The following PROB1 variants were observed in gnomAD, a reference collection of about 807,000 sequenced individuals.
The protein encoded by PROB1 is proline-rich basic protein 1.
For synonymous variants in PROB1, 660 were observed against 699.3 expected, an observed-to-expected ratio of 0.94 and a Z score of 0.89; for missense variants, 1,453 against 1,485.7, an observed-to-expected ratio of 0.98 and a Z score of 0.36.
At position 139,394,194 on chromosome 5, in the gene PROB1, CTT is replaced by C. The variant is rs1758650632; in HGVS notation, c.886_887del (p.Lys296ValfsTer9). ...RSTHVVLEKA[K>X]SRPLRVRDNS... ...TATCTCGTACGCGAAGTGGCCGAGA[CTT>C]AGCCTTCTCCAGGACCACGTGGGTG... On this transcript the variant is annotated frameshift_variant, in exon 1 of 1. Transcript: ENST00000434752. LOFTEE classifies it low-confidence loss of function (END_TRUNC). 1.3e-6 allele frequency: 2 copies of C among 1,548,248 alleles called. No individual in the cohort carries two copies. Among genetic ancestry groups the C allele is most frequent in the Admixed American group, 2.0e-5 (1 of 50,800 alleles).
At position 139,393,551 on chromosome 5, in the gene PROB1, T is replaced by A. The variant is rs1435975399; in HGVS notation, c.1531A>T (p.Ile511Phe). Residue 511 changes from isoleucine to phenylalanine, a missense_variant, in exon 1 of 1, where the codon ATT becomes TTT. Transcript: ENST00000434752. ...TGGGGAGATGGGCCCCAAGTTCCAA[T>A]AGGACGATCTGGAGCCTCCCACGGG... ...FFPWEAPDRP[I>F]GTWGPSPQET... is the part of the protein sequence containing the mutation. 2.6e-6 allele frequency: 4 copies of A among 1,551,154 alleles called. No homozygotes were observed. In the Admixed American group the frequency reaches 5.9e-5, roughly 23 times the overall value.
Position 139,391,550 on chromosome 5 carries a change from C to T in PROB1, c.*484G>A, listed in dbSNP as rs576979638. 4.4e-4 allele frequency: 68 copies of T among 155,254 alleles called. No homozygotes were observed. The highest frequency in any genetic ancestry group is 8.3e-4 in the Non-Finnish European group (58 of 70,240). 9.6% of individuals were successfully genotyped at this position (155,254 alleles called of 1,614,324 possible). ...TAAGAGCAGACTCGACAGCCAGAGT[C>T]CTTCCTGCCACCTCACCAGGGGCAC... On this transcript the variant is annotated 3_prime_UTR_variant, in exon 1 of 1. Transcript: ENST00000434752. The surrounding 1 kb of genome is among the most constrained non-coding windows in gnomAD (Gnocchi z 4.8).
chr5:139,393,428 A>G lies in PROB1; in HGVS notation c.1654T>C (p.Ser552Pro). Residue 552 changes from serine to proline, a missense_variant, in exon 1 of 1, where the codon TCC (serine) becomes CCC (proline). By Grantham distance (74) the Ser-to-Pro change is moderately conservative. Coordinates refer to ENST00000434752, the MANE Select transcript of PROB1 (RefSeq NM_001161546.2). ...TQEELAPPTP[S>P]APGTPEPTEM... is the part of the protein sequence containing the mutation. ...GTTGGTTCTGGAGTGCCGGGTGCGG[A>G]CGGTGTAGGCGGTGCCAACTCCTCC... 1 of 1,551,646 alleles carries G rather than the reference A, an allele frequency of 6.4e-7. No homozygotes were observed. The highest frequency in any genetic ancestry group is 8.7e-7 in the Non-Finnish European group (1 of 1,146,988).
Position 139,393,603 on chromosome 5 carries a change from A to G in PROB1, c.1479T>C (p.Arg493=). ...AGAAGGCCGGCGGGGACGGGCTGCTACGTGGCTCCACCGCATCCGCGACTG... is the reference window on the plus strand; with the variant it reads ...AGAAGGCCGGCGGGGACGGGCTGCTGCGTGGCTCCACCGCATCCGCGACTG... ...HSAVADAVEP[R]SSPSPPAFFP... Residue 493 remains arginine, a synonymous_variant, in exon 1 of 1, where the codon CGT becomes CGC. Transcript: ENST00000434752. 3 of 1,546,638 alleles carry G rather than the reference A, an allele frequency of 1.9e-6. No homozygotes were observed. Among genetic ancestry groups the G allele is most frequent in the Non-Finnish European group, 2.6e-6 (3 of 1,145,674 alleles).
At position 139,392,538 on chromosome 5, in the gene PROB1, TG is replaced by T; in HGVS notation, c.2543del (p.Pro848GlnfsTer136). On this transcript the variant is annotated frameshift_variant, in exon 1 of 1. Transcript: ENST00000434752. LOFTEE classifies it low-confidence loss of function (END_TRUNC). This position sits in a 1 kb window ranked among gnomAD's most constrained non-coding sequence, Gnocchi z 5.8. ...EPLALAGRTA[P>X]AQPRAASAPP... ...GCGCCGAGGCAGCGCGGGGCTGGGCTGGGGCCGTCCTGCCCGCCAACGCCAG... is the reference window on the plus strand; with the variant it reads ...GCGCCGAGGCAGCGCGGGGCTGGGCTGGGCCGTCCTGCCCGCCAACGCCAG... The T allele has an allele frequency of 7.4e-7, 1 of 1,352,166 alleles. No individual in the cohort carries two copies. Among genetic ancestry groups the T allele is most frequent in the Non-Finnish European group, 9.5e-7 (1 of 1,057,870 alleles). 83.8% of individuals were successfully genotyped at this position (1,352,166 alleles called of 1,614,324 possible). A position where few individuals can be genotyped will look rare whatever the true frequency, so the allele number is the denominator to read the frequency against.
Position 139,394,357 on chromosome 5 carries a change from C to T in PROB1, c.725G>A (p.Gly242Asp). The T allele has an allele frequency of 1.4e-6, 2 of 1,420,222 alleles. No homozygotes were observed. Among genetic ancestry groups the T allele is most frequent in the Non-Finnish European group, 9.1e-7 (1 of 1,094,018 alleles). The allele number at this position is 1,420,222 out of a possible 1,614,324, so 88.0% of individuals were successfully genotyped here. ...LRTGSLDESL[G>D]PLQAAAGFVQ... ...GAAGCCCGCGGCGGCCTGCAGGGGG[C>T]CCAGCGACTCGTCCAGGGAACCGGT... is the stretch of plus-strand genomic sequence containing the variant. The change falls in exon 1 of 1, where the codon GGC (glycine) becomes GAC (aspartate). Residue 242 changes from glycine (G) to aspartate (D), a missense_variant. By Grantham distance (94) the Gly-to-Asp change is moderately conservative. Transcript: ENST00000434752.
Position 139,392,374 on chromosome 5 carries a change from C to A in PROB1, c.2708G>T (p.Arg903Leu). The change falls in exon 1 of 1, where the codon CGG becomes CTG. Residue 903 changes from arginine (R) to leucine (L), a missense_variant. Physicochemically the swap from Arg to Leu is moderately radical, Grantham distance 102 (BLOSUM62 -2). Coordinates refer to ENST00000434752, the MANE Select transcript of PROB1 (RefSeq NM_001161546.2). This position sits in a 1 kb window ranked among gnomAD's most constrained non-coding sequence, Gnocchi z 5.8. ...FVEAPRQPRL[R>L]VLFDPESGQY... ...CCCACTCTCAGGGTCGAAGAGCACC[C>A]GCAGCCGAGGCTGCCGCGGCGCCTC... The A allele has an allele frequency of 6.6e-7, 1 of 1,523,056 alleles. No homozygotes were observed. The highest frequency in any genetic ancestry group is 8.8e-7 in the Non-Finnish European group (1 of 1,136,820). 94.3% of individuals were successfully genotyped at this position (1,523,056 alleles called of 1,614,324 possible).
chr5:139,394,198 G>C lies in PROB1; in HGVS notation c.884C>G (p.Ala295Gly). ...ARSTHVVLEKAKSRPLRVRDN... is the reference protein window; with the variant it reads ...ARSTHVVLEKGKSRPLRVRDN... The stretch of plus-strand genomic sequence containing the variant: ...TCGTACGCGAAGTGGCCGAGACTTA[G>C]CCTTCTCCAGGACCACGTGGGTGCT... Residue 295 changes from alanine to glycine, a missense_variant, in exon 1 of 1, where the codon GCT (alanine) becomes GGT (glycine). Transcript: ENST00000434752. The C allele has an allele frequency of 1.3e-6, 2 of 1,548,424 alleles. No homozygotes were observed. The highest frequency in any genetic ancestry group is 3.3e-4 in the Middle Eastern group (2 of 5,984).
At position 139,392,578 on chromosome 5, in the gene PROB1, A is replaced by T; in HGVS notation, c.2504T>A (p.Leu835His). The T allele has an allele frequency of 2.2e-6, 3 of 1,354,934 alleles. No homozygotes were observed. Among genetic ancestry groups the T allele is most frequent in the African/African-American group, 3.1e-5 (2 of 64,936 alleles). The allele number at this position is 1,354,934 out of a possible 1,614,324, so 83.9% of individuals were successfully genotyped here. ...CGCCAACGCCAGGGGCTCCCGCGGG[A>T]GTGGCGCCTGGACGGCAGCCGCGGG... Reference protein sequence around the residue: ...PEPAAAVQAPLPREPLALAGR... With the variant: ...PEPAAAVQAPHPREPLALAGR... Residue 835 changes from leucine to histidine, a missense_variant, in exon 1 of 1, where the codon CTC becomes CAC. Physicochemically the swap from Leu to His is moderately conservative, Grantham distance 99 (BLOSUM62 -3). Coordinates refer to ENST00000434752, the MANE Select transcript of PROB1 (RefSeq NM_001161546.2). This position sits in a 1 kb window ranked among gnomAD's most constrained non-coding sequence, Gnocchi z 5.8.
chr5:139,394,373 G>C lies in PROB1; in HGVS notation c.709C>G (p.Leu237Val). The change falls in exon 1 of 1, where the codon CTG (leucine) becomes GTG (valine). Residue 237 changes from leucine to valine, a missense_variant. Coordinates refer to ENST00000434752, the MANE Select transcript of PROB1 (RefSeq NM_001161546.2). ...RPRLLLRTGS[L>V]DESLGPLQAA... ...TGCAGGGGGCCCAGCGACTCGTCCA[G>C]GGAACCGGTGCGCAGGAGCAGCCGG... is the stretch of plus-strand genomic sequence containing the variant. The C allele has an allele frequency of 1.4e-6, 2 of 1,409,678 alleles. No individual in the cohort carries two copies. The highest frequency in any genetic ancestry group is 3.1e-5 in the South Asian group (2 of 63,978). The allele number at this position is 1,409,678 out of a possible 1,614,324, so 87.3% of individuals were successfully genotyped here.
Position 139,394,478 on chromosome 5 carries a change from G to T in PROB1, c.604C>A (p.Pro202Thr). The T allele has an allele frequency of 7.0e-7, 1 of 1,423,400 alleles. No homozygotes were observed. 88.2% of individuals were successfully genotyped at this position (1,423,400 alleles called of 1,614,324 possible). ...ALEEGAAPARPRTVPKRQIEL... is the reference protein window; with the variant it reads ...ALEEGAAPARTRTVPKRQIEL... ...ATCTGACGCTTGGGCACTGTCCGGG[G>T]CCTGGCGGGCGCGGCGCCCTCCTCC... The change falls in exon 1 of 1, where the codon CCC becomes ACC. Residue 202 changes from proline to threonine, a missense_variant. By Grantham distance (38) the Pro-to-Thr change is conservative. Transcript: ENST00000434752.
At position 139,394,635 on chromosome 5, in the gene PROB1, C is replaced by T; in HGVS notation, c.447G>A (p.Ala149=). The T allele has an allele frequency of 2.0e-6, 3 of 1,534,282 alleles. No individual in the cohort carries two copies. The highest frequency in any genetic ancestry group is 2.6e-6 in the Non-Finnish European group (3 of 1,145,406). ...ACTGGCGTGGGACCGCGGCGGGAGA[C>T]GCTGGCCCCGGCGGCAAGGGGCTGA... ...AFISPLPPGP[A]SPAAVPRQSQ... Residue 149 remains alanine (A), a synonymous_variant, in exon 1 of 1, where the codon GCG becomes GCA. Transcript: ENST00000434752.
In PROB1 at chr5:139,393,673, C is replaced by T; in HGVS notation, c.1409G>A (p.Ser470Asn). ...QWNQCVAGER[S>N]PSLEAPSLWE... ...CAGGGAAGGGGCTTCGAGGGACGGG[C>T]TCCTTTCCCCAGCAACACACTGATT... Residue 470 changes from serine (S) to asparagine (N), a missense_variant, in exon 1 of 1, where the codon AGC becomes AAC. Physicochemically the swap from Ser to Asn is conservative, Grantham distance 46. Transcript: ENST00000434752. The T allele has an allele frequency of 6.4e-7, 1 of 1,550,856 alleles. No homozygotes were observed. The highest frequency in any genetic ancestry group is 8.7e-7 in the Non-Finnish European group (1 of 1,146,894).
At position 139,393,065 on chromosome 5, in the gene PROB1, G is replaced by C. The variant is rs1179383514; in HGVS notation, c.2017C>G (p.Pro673Ala). 1.3e-6 allele frequency: 2 copies of C among 1,529,306 alleles called. No individual in the cohort carries two copies. The highest frequency in any genetic ancestry group is 8.8e-7 in the Non-Finnish European group (1 of 1,137,482). 94.7% of individuals were successfully genotyped at this position (1,529,306 alleles called of 1,614,324 possible). A position where few individuals can be genotyped will look rare whatever the true frequency, so the allele number is the denominator to read the frequency against. Residue 673 changes from proline to alanine, a missense_variant, in exon 1 of 1, where the codon CCC (proline) becomes GCC (alanine). Transcript: ENST00000434752. ...SKTQEPPALG[P>A]PAPAHYTSVF... Reference sequence around the variant, plus strand: ...GAAGTGTAGTGAGCCGGGGCGGGGGGCCCCAGTGCTGGCGGCTCTTGCGTC... The same window carrying C: ...GAAGTGTAGTGAGCCGGGGCGGGGGCCCCCAGTGCTGGCGGCTCTTGCGTC...
Position 139,393,167 on chromosome 5 carries a change from A to G in PROB1, c.1915T>C (p.Phe639Leu), listed in dbSNP as rs1021177053. The change falls in exon 1 of 1, where the codon TTC (phenylalanine) becomes CTC (leucine). Residue 639 changes from phenylalanine (F) to leucine (L), a missense_variant. Phe to Leu is a conservative substitution (Grantham distance 22, BLOSUM62 0). Transcript: ENST00000434752. Reference sequence around the variant, plus strand: ...CCAGAGCCTTGTGCTCCTGCCGGGAAGCCTGGCGCGTACGTGGTCTTCACC... The same window carrying G: ...CCAGAGCCTTGTGCTCCTGCCGGGAGGCCTGGCGCGTACGTGGTCTTCACC... Reference protein sequence around the residue: ...KLVKTTYAPGFPAGAQGSGLP... With the variant: ...KLVKTTYAPGLPAGAQGSGLP... 1.3e-6 allele frequency: 2 copies of G among 1,548,474 alleles called. No individual in the cohort carries two copies. The highest frequency in any genetic ancestry group is 2.7e-5 in the African/African-American group (2 of 73,018).
In PROB1 at chr5:139,393,273, G is replaced by A; in HGVS notation, c.1809C>T (p.Cys603=). 1.3e-6 allele frequency: 2 copies of A among 1,549,826 alleles called. No homozygotes were observed. The highest frequency in any genetic ancestry group is 1.7e-6 in the Non-Finnish European group (2 of 1,146,984). The change falls in exon 1 of 1, where the codon TGC becomes TGT. Residue 603 remains cysteine (C), a synonymous_variant. Coordinates refer to ENST00000434752, the MANE Select transcript of PROB1 (RefSeq NM_001161546.2). ...HPVGTLDADK[C]PEVLGPGEAA... is the part of the protein sequence containing the mutation. ...CCTCTCCAGGACCCAAGACTTCCGG[G>A]CACTTATCCGCGTCCAGGGTGCCCA...
rs946487506 is a variant in PROB1 at position 139,393,016 on chromosome 5, G to C, written c.2066C>G (p.Pro689Arg). 3 of 1,522,678 alleles carry C rather than the reference G, an allele frequency of 2.0e-6. No individual in the cohort carries two copies. The highest frequency in any genetic ancestry group is 2.6e-6 in the Non-Finnish European group (3 of 1,133,166). 94.3% of individuals were successfully genotyped at this position (1,522,678 alleles called of 1,614,324 possible). The change falls in exon 1 of 1, where the codon CCG becomes CGG. Residue 689 changes from proline to arginine, a missense_variant. Coordinates refer to ENST00000434752, the MANE Select transcript of PROB1 (RefSeq NM_001161546.2). ...YTSVFIKDFL[P>R]VVPHPYEPPE... ...AGGCTCGTAGGGGTGCGGCACCACC[G>C]GTAGAAAATCCTTGATGAAAACGGA...
At position 139,392,382 on chromosome 5, in the gene PROB1, A is replaced by G. The variant is rs1173194019; in HGVS notation, c.2700T>C (p.Pro900=). ...RYYFVEAPRQ[P]RLRVLFDPES... ...CAGGGTCGAAGAGCACCCGCAGCCG[A>G]GGCTGCCGCGGCGCCTCCACAAAGT... Residue 900 remains proline (P), a synonymous_variant, in exon 1 of 1, where the codon CCT becomes CCC. Coordinates refer to ENST00000434752, the MANE Select transcript of PROB1 (RefSeq NM_001161546.2). This position sits in a 1 kb window ranked among gnomAD's most constrained non-coding sequence, Gnocchi z 5.8. 6.6e-7 allele frequency: 1 copy of G among 1,521,266 alleles called. No homozygotes were observed. The highest frequency in any genetic ancestry group is 2.1e-5 in the Admixed American group (1 of 48,330). 94.2% of individuals were successfully genotyped at this position (1,521,266 alleles called of 1,614,324 possible). A position where few individuals can be genotyped will look rare whatever the true frequency, so the allele number is the denominator to read the frequency against.
At position 139,395,053 on chromosome 5, in the gene PROB1, A is replaced by G. The variant is rs923645950; in HGVS notation, c.29T>C (p.Leu10Pro). ...GGGCAGCTGCCTCGGGATCCCAGGC[A>G]GGGCTGGCGGGGCGAGCGCGGTCAG... MLTALAPPA[L>P]PGIPRQLPTA... The change falls in exon 1 of 1, where the codon CTG becomes CCG. Residue 10 changes from leucine to proline, a missense_variant. Leu to Pro is a moderately conservative substitution (Grantham distance 98, BLOSUM62 -3). Transcript: ENST00000434752. The G allele has an allele frequency of 7.1e-7, 1 of 1,417,352 alleles. No homozygotes were observed. The highest frequency in any genetic ancestry group is 9.2e-7 in the Non-Finnish European group (1 of 1,086,424). The allele number at this position is 1,417,352 out of a possible 1,614,324, so 87.8% of individuals were successfully genotyped here. A position where few individuals can be genotyped will look rare whatever the true frequency, so the allele number is the denominator to read the frequency against.
Sources: allele counts gnomAD v4.1 joint callset, GRCh38; gene constraint gnomAD v4.1.1; non-coding constraint Gnocchi (gnomAD v3.1); transcripts MANE v1.5; gene names NCBI Gene and HGNC (gene_info 2026-07-23, HGNC 2026-07-21).